Variants in ABLIM3 observed in about 807,000 individuals in gnomAD.
ABLIM3 encodes actin-binding LIM protein 3.
In ABLIM3, 61 loss-of-function variants were observed where a neutral mutation model predicts 109.5. The observed-to-expected ratio is 0.56, with a 90% CI of 0.45 to 0.69. ABLIM3 has a LOEUF of 0.69. ABLIM3 is among the 30% of genes least tolerant of loss of function. ABLIM3 has a pLI of 0.00. For missense variants in ABLIM3, 796 were observed against 889.5 expected (o/e 0.89, Z 1.34); for synonymous variants, 300 against 324.8 (o/e 0.92, Z 0.82).
chr5:149,174,706 C>G (rs1286088676), intron 2 of ABLIM3: 1 of 152,182 alleles, frequency 6.6e-6, no homozygotes, highest in Non-Finnish European at 1.5e-5. Flanking sequence ...CAGAAGGAGG[C>G]CTTGATGGAA....
rs78362300 is a variant in ABLIM3, at chr5:149,166,674, A to G, written c.14-16778A>G. On this transcript the variant is annotated intron_variant, in intron 2 of 23. Transcript: ENST00000309868. Reference sequence around the variant, plus strand: ...GAGTACATTTAAGAAGTCATTTGACATCAGGTTTAGTTTTTACTGAACTCT... The same window carrying G: ...GAGTACATTTAAGAAGTCATTTGACGTCAGGTTTAGTTTTTACTGAACTCT... Among the ~76,000 whole-genome samples, 343 of 152,342 alleles carry G rather than the reference A, an allele frequency of 2.3e-3. 1 individual carries two copies. Among genetic ancestry groups the G allele is most frequent in the African/African-American group, 7.9e-3 (328 of 41,570 alleles).
At chr5:149,199,649 G>A (rs1758315038) in intron 4 of ABLIM3, among the ~76,000 whole-genome samples, 1 of 152,214 alleles carries the variant, frequency 6.6e-6, no homozygotes, top group African/African-American at 2.4e-5. Flanking sequence ...CTAATACAAG[G>A]GCAATGGAGC....
At position 149,233,262 on chromosome 5, in the gene ABLIM3, C is replaced by T; in HGVS notation, c.850C>T (p.Pro284Ser). 2 of 1,614,184 alleles carry T rather than the reference C, an allele frequency of 1.2e-6. No individual in the cohort carries two copies. The highest frequency in any genetic ancestry group is 2.2e-5 in the East Asian group (1 of 44,892). ...RRTSETSISP[P>S]GSSIGSPNRV... is the part of the protein sequence containing the mutation. ...GACATCTGAAACCTCCATCTCACCCCCTGGATCCAGCATTGGGTCACCCAA... is the reference window on the plus strand; with the variant it reads ...GACATCTGAAACCTCCATCTCACCCTCTGGATCCAGCATTGGGTCACCCAA... Residue 284 changes from proline to serine, a missense_variant, in exon 10 of 24, where the codon CCT becomes TCT. Coordinates refer to ENST00000309868, the MANE Select transcript of ABLIM3 (RefSeq NM_014945.5).
chr5:149,234,371 G>A (rs1159825875), intron 10 of ABLIM3, among the ~76,000 whole-genome samples: 2 of 152,128 alleles, frequency 1.3e-5, no homozygotes, highest in South Asian at 4.2e-4. Context: ...AGAAATGTGG[G>A]GAAAATGGTC....
At chr5:149,258,034 C>T (rs1246967298) in intron 23 of ABLIM3, among the ~76,000 whole-genome samples, 1 of 152,154 alleles carries the variant, frequency 6.6e-6, no homozygotes, top group African/African-American at 2.4e-5. Context: ...AGCGGAAGTC[C>T]CACTTGAGTC....
Position 149,249,796 on chromosome 5 carries a change from C to A in ABLIM3, c.1700-19C>A. The A allele has an allele frequency of 3.7e-6, 6 of 1,614,164 alleles. No individual in the cohort carries two copies. Among genetic ancestry groups the A allele is most frequent in the Non-Finnish European group, 5.1e-6 (6 of 1,179,978 alleles). ...GTCTTTCCTCATGAGCAATGACCTT[C>A]AGCTTTTCTCTCCTGCAGCCCCTCG... On this transcript the variant is annotated intron_variant, in intron 18 of 23. Transcript: ENST00000309868.
intron 7 of ABLIM3, among the ~76,000 whole-genome samples, chr5:149,212,834 C>T (rs915844746): frequency 1.3e-5 from 2 of 152,056 alleles, no homozygotes; most frequent in African/African-American, 2.4e-5. Context: ...GTCAGAAATA[C>T]GGATCAGAGG....
chr5:149,216,905 C>A (rs1440270144), intron 7 of ABLIM3, 54 bp from the exon 8 acceptor site: 15 of 1,488,468 alleles, frequency 1.0e-5, no homozygotes, highest in Non-Finnish European at 1.4e-5. Flanking sequence ...CAATCTGCCC[C>A]ACTAGACAGC....
intron 12 of ABLIM3, 33 bp downstream of exon 12, chr5:149,239,310 A>G (rs1476151776): frequency 1.2e-6 from 2 of 1,609,912 alleles, no homozygotes; most frequent in Non-Finnish European, 1.7e-6. Flanking sequence ...AAGTTGATAT[A>G]TAATTGTGCC....
intron 19 of ABLIM3, 51 bp from the exon 20 acceptor site, chr5:149,250,396 G>T: frequency 1.3e-6 from 2 of 1,587,816 alleles, no homozygotes; most frequent in Admixed American, 1.7e-5. Context: ...CTCAGGGAGA[G>T]GGACTCATGG....
Position 149,258,508 on chromosome 5 carries a change from G to A in ABLIM3, c.*104G>A. 7.1e-7 allele frequency: 1 copy of A among 1,417,034 alleles called. No individual in the cohort carries two copies. Among genetic ancestry groups the A allele is most frequent in the South Asian group, 1.6e-5 (1 of 61,832 alleles). 87.8% of individuals were successfully genotyped at this position (1,417,034 alleles called of 1,614,324 possible). ...TCTTGTGTAATGGGACACACTGCCT[G>A]CCATGAGACTTGCTTTTCTGTACTG... On this transcript the variant is annotated 3_prime_UTR_variant, in exon 24 of 24. Transcript: ENST00000309868.
At position 149,182,164 on chromosome 5, in the gene ABLIM3, AT is replaced by A. The variant is rs1756525996; in HGVS notation, c.14-1286del. On this transcript the variant is annotated intron_variant, in intron 2 of 23. Coordinates refer to ENST00000309868, the MANE Select transcript of ABLIM3 (RefSeq NM_014945.5). The stretch of plus-strand genomic sequence containing the variant: ...AATCCCCAAAGTAGGTGACCTTTAA[AT>A]TCCTTTGTGGTTCAAGGTTGCTGTG... Among the ~76,000 whole-genome samples the A allele has an allele frequency of 2.6e-5, 4 of 152,310 alleles. No individual in the cohort carries two copies. The South Asian group carries it at 8.3e-4, about 32-fold the overall frequency.
In ABLIM3 at chr5:149,258,548, GTCA is replaced by G. The variant is rs1379864321; in HGVS notation, c.*147_*149del. ...TTTCTGTACTGTCAGGCAAGCCCACGTCATCGAGATATTTTTATGCTCCTTACT... is the reference window on the plus strand; with the variant it reads ...TTTCTGTACTGTCAGGCAAGCCCACGTCGAGATATTTTTATGCTCCTTACT... On this transcript the variant is annotated 3_prime_UTR_variant, in exon 24 of 24. Transcript: ENST00000309868. 7.2e-7 allele frequency: 1 copy of G among 1,394,678 alleles called. No individual in the cohort carries two copies. The highest frequency in any genetic ancestry group is 9.3e-7 in the Non-Finnish European group (1 of 1,079,394). The allele number at this position is 1,394,678 out of a possible 1,614,324, so 86.4% of individuals were successfully genotyped here.
chr5:149,165,148 A>G (rs1754709300), intron 2 of ABLIM3, among the ~76,000 whole-genome samples: 1 of 152,230 alleles, frequency 6.6e-6, no homozygotes, highest in African/African-American at 2.4e-5. Flanking sequence ...AGGGGCCTTC[A>G]AGGTCATCTA....
chr5:149,252,866 T>G, intron 23 of ABLIM3, 29 bp downstream of exon 23: 47 of 1,579,540 alleles, frequency 3.0e-5, no homozygotes, highest in Non-Finnish European at 3.7e-5. Context: ...GCAGGAGCTC[T>G]TGGGTTGGAA....
intron 4 of ABLIM3, chr5:149,199,176 G>T (rs1758270507): frequency 2.2e-6 from 1 of 454,940 alleles, no homozygotes; most frequent in South Asian, 1.6e-5. Context: ...ATGAAAAAAT[G>T]AAGAAAGCTC....
chr5:149,208,384 C>G (rs1759218269), intron 6 of ABLIM3, among the ~76,000 whole-genome samples: 2 of 120,962 alleles, frequency 1.7e-5, no homozygotes, highest in Admixed American at 7.6e-5. Context: ...CTCTCTCTCT[C>G]TCAATTTCTC....
intron 3 of ABLIM3, among the ~76,000 whole-genome samples, chr5:149,187,366 T>C (rs1185357789): frequency 6.6e-6 from 1 of 152,202 alleles, no homozygotes; most frequent in East Asian, 1.9e-4. Context: ...TGCGTATAAA[T>C]GGTAAATGGC....
chr5:149,241,219 G>T lies in ABLIM3; in HGVS notation c.1303+445G>T, dbSNP rs763461594. 7.9e-5 allele frequency among the ~76,000 whole-genome samples: 12 copies of T among 152,284 alleles called. No homozygotes were observed. In the South Asian group the frequency reaches 2.5e-3, roughly 32 times the overall value. On this transcript the variant is annotated intron_variant, in intron 14 of 23. Transcript: ENST00000309868. ...CTTCTGTACAGCTAAGCACTGTTCTGGGCTCAGAGGTTGCAACTGTGCTCA... is the reference window on the plus strand; with the variant it reads ...CTTCTGTACAGCTAAGCACTGTTCTTGGCTCAGAGGTTGCAACTGTGCTCA...
Sources: gnomAD v4.1 joint callset for allele counts (sites outside exome capture counted in the v4.1 genomes callset) on GRCh38, gnomAD v4.1.1 for gene constraint, MANE v1.5 for transcripts, NCBI Gene and HGNC (gene_info 2026-07-23, HGNC 2026-07-21) for gene names.